Variants in THNSL1 observed in about 807,000 individuals in gnomAD.
THNSL1 encodes threonine synthase-like 1.
THNSL1 carries 48 observed loss-of-function variants against 50.4 expected under a neutral mutation model. The observed-to-expected ratio is 0.95, with a 90% CI of 0.76 to 1.21. The LOEUF is 1.21. Among genes scored for constraint, THNSL1 ranks in the 50% most tolerant of loss-of-function variants. The pLI is 0.00. For missense variants in THNSL1, 896 were observed against 871.7 expected (o/e 1.03, Z -0.35); for synonymous variants, 309 against 306.1 (o/e 1.01, Z -0.10).
chr10:24,975,393 A>G, the THNSL1 span, among the ~76,000 whole-genome samples: 2 of 152,168 alleles, frequency 1.3e-5, no homozygotes, highest in Admixed American at 1.3e-4. Flanking sequence ...GATTAACTCT[A>G]GTGGTGAATA....
the THNSL1 span, among the ~76,000 whole-genome samples, chr10:24,973,959 C>T: frequency 3.2e-3 from 491 of 152,090 alleles, 4 homozygotes; most frequent in African/African-American, 6.6e-3. Flanking sequence ...TCACCATTTT[C>T]GCCAGGCTGG....
chr10:24,955,724 C>T, the THNSL1 span, among the ~76,000 whole-genome samples: 1 of 152,154 alleles, frequency 6.6e-6, no homozygotes, highest in Non-Finnish European at 1.5e-5. Context: ...GCAGGAGGCT[C>T]ACTTGAGGCC....
chr10:24,994,319 C>A, the THNSL1 span, among the ~76,000 whole-genome samples: 54,839 of 146,222 alleles, frequency 0.38, 10,415 homozygotes, highest in East Asian at 0.5. Flanking sequence ...ACTTATTATT[C>A]TTTAGAATTC....
upstream of THNSL1, among the ~76,000 whole-genome samples, chr10:25,012,642 C>T (rs969284252): frequency 6.6e-6 from 1 of 152,206 alleles, no homozygotes; most frequent in East Asian, 1.9e-4. Flanking sequence ...TGGCCAATTT[C>T]TGCTATTTCG....
At position 25,025,203 on chromosome 10, in the gene THNSL1, G is replaced by C. The variant is rs1678624519; in HGVS notation, c.1980G>C (p.Val660=). The change falls in exon 3 of 3, where the codon GTG becomes GTC. Residue 660 remains valine (V), a synonymous_variant. Transcript: ENST00000376356. ...ADRVQDKTCP[V]IISSTAHYSK... is the part of the protein sequence containing the mutation. ...GGGTGCAAGACAAAACTTGCCCTGT[G>C]ATTATCTCATCTACAGCCCATTACT... is the stretch of plus-strand genomic sequence containing the variant. The C allele has an allele frequency of 6.2e-7, 1 of 1,614,054 alleles. No homozygotes were observed. Among genetic ancestry groups the C allele is most frequent in the East Asian group, 2.2e-5 (1 of 44,890 alleles).
In THNSL1 at chr10:25,023,485, G is replaced by A. The variant is rs143858970; in HGVS notation, c.262G>A (p.Asp88Asn). Reference sequence around the variant, plus strand: ...AGGTTGTTGTGTCATAGATGTGGATGATGATATCCTTGAAAAAACCTGGAA... The same window carrying A: ...AGGTTGTTGTGTCATAGATGTGGATAATGATATCCTTGAAAAAACCTGGAA... ...KLGCCVIDVD[D>N]DILEKTWNMS... Residue 88 changes from aspartate (D) to asparagine (N), a missense_variant, in exon 3 of 3, where the codon GAT becomes AAT. Transcript: ENST00000376356. The A allele has an allele frequency of 5.6e-6, 9 of 1,614,132 alleles. No individual in the cohort carries two copies. In the Middle Eastern group the frequency reaches 6.6e-4, roughly 118 times the overall value.
rs1564350920 is a variant in THNSL1 at position 25,025,119 on chromosome 10, T to C, written c.1896T>C (p.Tyr632=). The C allele has an allele frequency of 2.5e-6, 4 of 1,614,210 alleles. No individual in the cohort carries two copies. Among genetic ancestry groups the C allele is most frequent in the South Asian group, 1.1e-5 (1 of 91,078 alleles). ...GECLAAINST[Y]NTSGYILDPH... ...GCCTAGCAGCTATTAACTCCACCTA[T>C]AATACTTCAGGGTATATTTTGGATC... is the stretch of plus-strand genomic sequence containing the variant. The change falls in exon 3 of 3, where the codon TAT becomes TAC. Residue 632 remains tyrosine, a synonymous_variant. Transcript: ENST00000376356.
At position 25,025,037 on chromosome 10, in the gene THNSL1, C is replaced by A; in HGVS notation, c.1814C>A (p.Ala605Asp). Residue 605 changes from alanine (A) to aspartate (D), a missense_variant, in exon 3 of 3, where the codon GCT (alanine) becomes GAT (aspartate). By Grantham distance (126) the Ala-to-Asp change is moderately radical. Coordinates refer to ENST00000376356, the MANE Select transcript of THNSL1 (RefSeq NM_024838.5). ...ESQHHFQIEK[A>D]LVEKLQQDFV... ...CAGCATCATTTCCAGATAGAAAAGG[C>A]TCTAGTTGAGAAACTTCAGCAGGAT... 6.2e-7 allele frequency: 1 copy of A among 1,614,184 alleles called. No individual in the cohort carries two copies. Among genetic ancestry groups the A allele is most frequent in the South Asian group, 1.1e-5 (1 of 91,082 alleles).
At position 25,024,775 on chromosome 10, in the gene THNSL1, G is replaced by C; in HGVS notation, c.1552G>C (p.Val518Leu). The change falls in exon 3 of 3, where the codon GTG (valine) becomes CTG (leucine). Residue 518 changes from valine to leucine, a missense_variant. Coordinates refer to ENST00000376356, the MANE Select transcript of THNSL1 (RefSeq NM_024838.5). ...TGNFGNILAA[V>L]YAKMMGIPIR... The stretch of plus-strand genomic sequence containing the variant: ...AAACTTTGGTAACATTTTAGCAGCA[G>C]TGTATGCCAAAATGATGGGAATCCC... 1 of 1,614,168 alleles carries C rather than the reference G, an allele frequency of 6.2e-7. No individual in the cohort carries two copies. Among genetic ancestry groups the C allele is most frequent in the East Asian group, 2.2e-5 (1 of 44,876 alleles).
At chr10:25,015,843 T>C, upstream of THNSL1, 1 of 1,589,286 alleles carries the variant, frequency 6.3e-7, no homozygotes, top group Non-Finnish European at 8.6e-7. Context: ...AGTGATAGTC[T>C]TTGCTTATCC....
chr10:24,971,332 T>C, the THNSL1 span, among the ~76,000 whole-genome samples: 1 of 148,416 alleles, frequency 6.7e-6, no homozygotes, highest in African/African-American at 2.6e-5. Flanking sequence ...CTTGAACTCC[T>C]GGGCTTAAGC....
chr10:24,966,551 A>G, the THNSL1 span, among the ~76,000 whole-genome samples: 1 of 152,228 alleles, frequency 6.6e-6, no homozygotes, highest in African/African-American at 2.4e-5. Context: ...CTCTTAATGG[A>G]ATCACACTCT....
the THNSL1 span, among the ~76,000 whole-genome samples, chr10:24,994,128 C>G: frequency 6.6e-6 from 1 of 152,118 alleles, no homozygotes; most frequent in African/African-American, 2.4e-5. Context: ...TTTTGATTTT[C>G]CACTGGCATT....
chr10:25,017,135 C>G (rs1850615422), intron 1 of THNSL1, among the ~76,000 whole-genome samples: 1 of 152,238 alleles, frequency 6.6e-6, no homozygotes, highest in Non-Finnish European at 1.5e-5. Flanking sequence ...ACCAGTGGAC[C>G]TGCTCTTTGT....
the THNSL1 span, among the ~76,000 whole-genome samples, chr10:24,991,035 G>A: frequency 6.6e-6 from 1 of 152,310 alleles, no homozygotes. Context: ...GGGAGGCAGA[G>A]GTTACAGTGA....
At chr10:24,962,110 G>A in the THNSL1 span, among the ~76,000 whole-genome samples, 1 of 152,164 alleles carries the variant, frequency 6.6e-6, no homozygotes, top group Non-Finnish European at 1.5e-5. Flanking sequence ...TCAGTTAGCA[G>A]TTTTAAAAAA....
At chr10:24,968,564 C>T in the THNSL1 span, among the ~76,000 whole-genome samples, 9 of 152,268 alleles carry the variant, frequency 5.9e-5, no homozygotes, top group African/African-American at 2.2e-4. Flanking sequence ...CCGCTGCACA[C>T]CCACGACTTT....
the THNSL1 span, among the ~76,000 whole-genome samples, chr10:25,009,111 T>C: frequency 6.6e-6 from 1 of 151,144 alleles, no homozygotes; most frequent in East Asian, 1.9e-4. Flanking sequence ...TGTTGTGGGG[T>C]GGGAGGAGAG....
chr10:24,975,617 G>C, the THNSL1 span, among the ~76,000 whole-genome samples: 2 of 151,908 alleles, frequency 1.3e-5, no homozygotes, highest in Non-Finnish European at 2.9e-5. Flanking sequence ...GTTTTATAAG[G>C]GGCTCTTCCC....
Sources: allele counts gnomAD v4.1 joint callset (sites outside exome capture counted in the v4.1 genomes callset), GRCh38; gene constraint gnomAD v4.1.1; transcripts MANE v1.5; gene names NCBI Gene and HGNC (gene_info 2026-07-23, HGNC 2026-07-21).